Variants in TIGD6 observed in about 807,000 individuals in gnomAD.
The protein encoded by TIGD6 is tigger transposable element derived 6.
TIGD6 carries 1 observed loss-of-function variant against 2.6 expected under a neutral mutation model. That is an observed-to-expected ratio of 0.39 (90% CI 0.14 to 1.85). The LOEUF (loss-of-function observed/expected upper bound fraction) is 1.85. Among genes scored for constraint, TIGD6 ranks in the 40% most tolerant of loss-of-function variants. The pLI is 0.32. For synonymous variants in TIGD6, 193 were observed against 221.9 expected (o/e 0.87, Z 1.16); for missense variants, 601 against 634.2 (o/e 0.95, Z 0.56).
At chr5:149,997,283 C>T (rs917874638) in intron 1 of TIGD6, among the ~76,000 whole-genome samples, 4 of 152,178 alleles carry the variant, frequency 2.6e-5, no homozygotes, top group Admixed American at 6.5e-5. Context: ...AAAAATAGGC[C>T]GGGCGCTGTG....
rs1231099027 is a variant in TIGD6 at position 149,995,451 on chromosome 5, C to T, written c.898G>A (p.Val300Ile). 5.6e-6 allele frequency: 9 copies of T among 1,614,260 alleles called. No homozygotes were observed. Among genetic ancestry groups the T allele is most frequent in the Non-Finnish European group, 6.8e-6 (8 of 1,180,050 alleles). Residue 300 changes from valine to isoleucine, a missense_variant, in exon 2 of 2, where the codon GTT becomes ATT. By Grantham distance (29) the Val-to-Ile change is conservative. Coordinates refer to ENST00000296736, the MANE Select transcript of TIGD6 (RefSeq NM_030953.4). ...NMLPHLERIQ[V>I]GYLPSNCTAV... ...GTACAGTTGGAGGGCAGATACCCAACCTGAATCCTTTCCAAGTGTGGAAGC... is the reference window on the plus strand; with the variant it reads ...GTACAGTTGGAGGGCAGATACCCAATCTGAATCCTTTCCAAGTGTGGAAGC...
rs1755332460 is a variant in TIGD6, at chr5:149,994,645, C to T, written c.*138G>A. 1 of 798,174 alleles carries T rather than the reference C, an allele frequency of 1.3e-6. No individual in the cohort carries two copies. The highest frequency in any genetic ancestry group is 1.8e-6 in the Non-Finnish European group (1 of 550,726). 49.4% of individuals were successfully genotyped at this position (798,174 alleles called of 1,614,324 possible). ...GAAAACACACATATTAGTCAAATTC[C>T]ATTCAAAGAAGTTTCCTGGCTATTT... On this transcript the variant is annotated 3_prime_UTR_variant, in exon 2 of 2. Transcript: ENST00000296736.
intron 1 of TIGD6, among the ~76,000 whole-genome samples, chr5:149,998,723 T>C (rs967813339): frequency 1.3e-5 from 2 of 152,228 alleles, no homozygotes; most frequent in Admixed American, 6.5e-5. Flanking sequence ...CAAGGGTAGA[T>C]TTTTACTATC....
At chr5:149,996,505 T>C in intron 1 of TIGD6, 76 bp from the exon 2 acceptor site, 1 of 1,120,194 alleles carries the variant, frequency 8.9e-7, no homozygotes, top group Admixed American at 2.9e-5. Context: ...TTTTACAAAT[T>C]GTATTAGGAA....
In TIGD6 at chr5:149,996,355, G is replaced by C. The variant is rs1339615521; in HGVS notation, c.-7C>G. ...TGTTCCCCTTGTTTGCCATTTCCAG[G>C]GAATGAGGGCTGGCCACAACTAACA... On this transcript the variant is annotated 5_prime_UTR_variant, in exon 2 of 2. Coordinates refer to ENST00000296736, the MANE Select transcript of TIGD6 (RefSeq NM_030953.4). 6.3e-7 allele frequency: 1 copy of C among 1,596,348 alleles called. No homozygotes were observed.
Position 149,995,584 on chromosome 5 carries a change from C to T in TIGD6, c.765G>A (p.Trp255Ter), listed in dbSNP as rs1338529371. Residue 255 changes from tryptophan (W) to a stop codon, truncating the protein, a stop_gained, in exon 2 of 2, where the codon TGG (tryptophan) becomes TGA (stop). Coordinates refer to ENST00000296736, the MANE Select transcript of TIGD6 (RefSeq NM_030953.4). LOFTEE classifies it low-confidence loss of function (END_TRUNC). ...PCDYRANQWA[W>*]MTRDLFNEWL... ...ACTCATTAAACAGATCCCTTGTCATCCAAGCCCACTGGTTGGCTCGGTAAT... is the reference window on the plus strand; with the variant it reads ...ACTCATTAAACAGATCCCTTGTCATTCAAGCCCACTGGTTGGCTCGGTAAT... 1 of 1,614,252 alleles carries T rather than the reference C, an allele frequency of 6.2e-7. No individual in the cohort carries two copies.
In TIGD6 at chr5:149,995,566, A is replaced by G. The variant is rs775743197; in HGVS notation, c.783T>C (p.Phe261=). ...NQWAWMTRDL[F]NEWLMQVDAR... is the part of the protein sequence containing the mutation. ...CATCCACTTGCATCAGCCACTCATT[A>G]AACAGATCCCTTGTCATCCAAGCCC... The change falls in exon 2 of 2, where the codon TTT becomes TTC. Residue 261 remains phenylalanine (F), a synonymous_variant. Transcript: ENST00000296736. 1 of 1,614,224 alleles carries G rather than the reference A, an allele frequency of 6.2e-7. No individual in the cohort carries two copies. The highest frequency in any genetic ancestry group is 2.2e-5 in the East Asian group (1 of 44,892).
At chr5:149,999,513 T>C (rs1459175755) in intron 1 of TIGD6, among the ~76,000 whole-genome samples, 4 of 152,118 alleles carry the variant, frequency 2.6e-5, no homozygotes, top group African/African-American at 9.7e-5. Context: ...TCTGGGGCTA[T>C]GTTTTTGCAA....
intron 1 of TIGD6, among the ~76,000 whole-genome samples, chr5:149,999,123 C>G (rs1755471778): frequency 6.6e-6 from 1 of 152,168 alleles, no homozygotes; most frequent in Non-Finnish European, 1.5e-5. Context: ...GACCAAATCA[C>G]AGGAAGTCCT....
chr5:149,993,627 G>C lies in TIGD6; in HGVS notation c.*1156C>G, dbSNP rs1755311566. On this transcript the variant is annotated 3_prime_UTR_variant, in exon 2 of 2. Coordinates refer to ENST00000296736, the MANE Select transcript of TIGD6 (RefSeq NM_030953.4). Reference sequence around the variant, plus strand: ...GGGTCTCGCTGTGTTGGCCAGTCTGGTCTCAAACTCCTTGCCTCAAGTGAT... The same window carrying C: ...GGGTCTCGCTGTGTTGGCCAGTCTGCTCTCAAACTCCTTGCCTCAAGTGAT... 6.6e-6 allele frequency: 1 copy of C among 151,894 alleles called. No homozygotes were observed. The highest frequency in any genetic ancestry group is 1.5e-5 in the Non-Finnish European group (1 of 68,010). 9.4% of individuals were successfully genotyped at this position (151,894 alleles called of 1,614,324 possible). A position where few individuals can be genotyped will look rare whatever the true frequency, so the allele number is the denominator to read the frequency against.
chr5:149,995,166 C>A lies in TIGD6; in HGVS notation c.1183G>T (p.Asp395Tyr). The A allele has an allele frequency of 6.2e-7, 1 of 1,614,234 alleles. No homozygotes were observed. The highest frequency in any genetic ancestry group is 8.5e-7 in the Non-Finnish European group (1 of 1,180,036). The change falls in exon 2 of 2, where the codon GAC (aspartate) becomes TAC (tyrosine). Residue 395 changes from aspartate to tyrosine, a missense_variant. Asp to Tyr is a radical substitution (Grantham distance 160). Transcript: ENST00000296736. ...TGCCACAACTTTTCAATGGCAATGT[C>A]TGGTTCACTGGCTGCTGATTCTGTG... ...CDTESAASEP[D>Y]IAIEKLWHTV...
chr5:149,997,554 AAC>A (rs1239176120), intron 1 of TIGD6, among the ~76,000 whole-genome samples: 4 of 150,812 alleles, frequency 2.7e-5, no homozygotes, highest in East Asian at 3.9e-4. Context: ...CAACAACAAC[AAC>A]AAAAAACAAA....
In TIGD6 at chr5:149,996,168, C is replaced by T. The variant is rs773943881; in HGVS notation, c.181G>A (p.Ala61Thr). 1 of 1,614,174 alleles carries T rather than the reference C, an allele frequency of 6.2e-7. No individual in the cohort carries two copies. The highest frequency in any genetic ancestry group is 1.7e-5 in the Admixed American group (1 of 60,024). ...CTTTTCCGCTGGGGTCCCACGGATG[C>T]CTCCCGCACCTTTTCTTCAAATTTG... Reference protein sequence around the residue: ...RTKFEEKVREASVGPQRKRMR... With the variant: ...RTKFEEKVRETSVGPQRKRMR... Residue 61 changes from alanine (A) to threonine (T), a missense_variant, in exon 2 of 2, where the codon GCA becomes ACA. Physicochemically the swap from Ala to Thr is moderately conservative, Grantham distance 58 (BLOSUM62 0). Transcript: ENST00000296736.
Position 149,996,111 on chromosome 5 carries a change from T to G in TIGD6, c.238A>C (p.Lys80Gln). ...TCTTGAAACCAAGCAAAAACAGCCT[T>G]ATCAATGTCATCATAAAGAGCGCTC... The part of the protein sequence containing the change: ...MRSALYDDID[K>Q]AVFAWFQEIH... Residue 80 changes from lysine to glutamine, a missense_variant, in exon 2 of 2, where the codon AAG (lysine) becomes CAG (glutamine). Transcript: ENST00000296736. The G allele has an allele frequency of 6.2e-7, 1 of 1,614,216 alleles. No homozygotes were observed. Among genetic ancestry groups the G allele is most frequent in the South Asian group, 1.1e-5 (1 of 91,084 alleles).
Position 149,996,354 on chromosome 5 carries a change from G to A in TIGD6, c.-6C>T, listed in dbSNP as rs372051393. 1.9e-6 allele frequency: 3 copies of A among 1,596,164 alleles called. No homozygotes were observed. In the African/African-American group the frequency reaches 4.0e-5, roughly 21 times the overall value. On this transcript the variant is annotated 5_prime_UTR_variant, in exon 2 of 2. Transcript: ENST00000296736. Reference sequence around the variant, plus strand: ...TTGTTCCCCTTGTTTGCCATTTCCAGGGAATGAGGGCTGGCCACAACTAAC... The same window carrying A: ...TTGTTCCCCTTGTTTGCCATTTCCAAGGAATGAGGGCTGGCCACAACTAAC...
chr5:149,995,000 C>T lies in TIGD6; in HGVS notation c.1349G>A (p.Ser450Asn), dbSNP rs762434805. The change falls in exon 2 of 2, where the codon AGT becomes AAT. Residue 450 changes from serine (S) to asparagine (N), a missense_variant. Physicochemically the swap from Ser to Asn is conservative, Grantham distance 46. Transcript: ENST00000296736. ...VAGENTSEAG[S>N]EDEGEVSLPE... ...TAAAGATACCTCCCCTTCATCTTCA[C>T]TTCCTGCTTCACTGGTATTTTCGCC... The T allele has an allele frequency of 3.1e-6, 5 of 1,613,940 alleles. No individual in the cohort carries two copies. In the African/African-American group the frequency reaches 6.7e-5, roughly 22 times the overall value.
At position 149,995,172 on chromosome 5, in the gene TIGD6, C is replaced by T. The variant is rs1243121666; in HGVS notation, c.1177G>A (p.Glu393Lys). Residue 393 changes from glutamate to lysine, a missense_variant, in exon 2 of 2, where the codon GAA becomes AAA. Physicochemically the swap from Glu to Lys is moderately conservative, Grantham distance 56. Coordinates refer to ENST00000296736, the MANE Select transcript of TIGD6 (RefSeq NM_030953.4). Reference sequence around the variant, plus strand: ...AACTTTTCAATGGCAATGTCTGGTTCACTGGCTGCTGATTCTGTGTCACAT... The same window carrying T: ...AACTTTTCAATGGCAATGTCTGGTTTACTGGCTGCTGATTCTGTGTCACAT... ...AECDTESAAS[E>K]PDIAIEKLWH... 1 of 1,614,234 alleles carries T rather than the reference C, an allele frequency of 6.2e-7. No individual in the cohort carries two copies. The highest frequency in any genetic ancestry group is 1.7e-5 in the Admixed American group (1 of 60,032).
chr5:149,996,924 TG>T (rs1755402466), intron 1 of TIGD6, among the ~76,000 whole-genome samples: 1 of 152,212 alleles, frequency 6.6e-6, no homozygotes, highest in South Asian at 2.1e-4. Flanking sequence ...CCATCTGGCC[TG>T]GAAAGATTTT....
At chr5:149,999,010 C>G (rs1270244465) in intron 1 of TIGD6, among the ~76,000 whole-genome samples, 1 of 152,060 alleles carries the variant, frequency 6.6e-6, no homozygotes, top group African/African-American at 2.4e-5. Flanking sequence ...AATAGGAACT[C>G]ATGAGATGAA....
Sources: allele counts gnomAD v4.1 joint callset (sites outside exome capture counted in the v4.1 genomes callset), GRCh38; gene constraint gnomAD v4.1.1; transcripts MANE v1.5; gene names NCBI Gene and HGNC (gene_info 2026-07-23, HGNC 2026-07-21).